The following CTRB2 variants were observed in gnomAD, a reference collection of about 807,000 sequenced individuals.
The protein encoded by CTRB2 is chymotrypsinogen B2.
CTRB2 carries 9 observed loss-of-function variants against 19.3 expected under a neutral mutation model. The observed-to-expected ratio is 0.47, with a 90% CI of 0.28 to 0.81. The LOEUF is 0.81. Ranked by LOEUF, CTRB2 falls within the 40% of genes least tolerant of loss-of-function variation. The pLI is 0.11. For missense variants in CTRB2, 210 were observed against 269.7 expected (o/e 0.78, Z 1.55); for synonymous variants, 98 against 117.3 (o/e 0.84, Z 1.06).
intron 1 of CTRB2, 74 bp from the exon 2 acceptor site, chr16:75,206,267 A>C: frequency 6.9e-7 from 1 of 1,449,190 alleles, no homozygotes; most frequent in Non-Finnish European, 9.3e-7. Context: ...TCTCACTCCC[A>C]ACTCTTTTCC....
Position 75,207,123 on chromosome 16 carries a change from G to C in CTRB2, c.19C>G (p.Leu7Val), listed in dbSNP as rs1388389815. 2 of 1,558,648 alleles carry C rather than the reference G, an allele frequency of 1.3e-6. No individual in the cohort carries two copies. Among genetic ancestry groups the C allele is most frequent in the East Asian group, 4.7e-5 (2 of 42,410 alleles). Residue 7 changes from leucine to valine, a missense_variant, in exon 1 of 7, where the codon CTC becomes GTC. Physicochemically the swap from Leu to Val is conservative, Grantham distance 32. Coordinates refer to ENST00000303037, the MANE Select transcript of CTRB2 (RefSeq NM_001025200.4). ...GTACCCAGGAGGGCCCAGCAGGAGA[G>C]GAGCCAGAGGAAAGCCATGGTGCCG... is the stretch of plus-strand genomic sequence containing the variant. MAFLWL[L>V]SCWALLGTTF...
At position 75,207,148 on chromosome 16, in the gene CTRB2, G is replaced by C; in HGVS notation, c.-7C>G. Reference sequence around the variant, plus strand: ...GGAGCCAGAGGAAAGCCATGGTGCCGCTGGCAGGGGTGTAGGACGCCTGTC... The same window carrying C: ...GGAGCCAGAGGAAAGCCATGGTGCCCCTGGCAGGGGTGTAGGACGCCTGTC... On this transcript the variant is annotated 5_prime_UTR_variant, in exon 1 of 7. Transcript: ENST00000303037. The C allele has an allele frequency of 6.4e-7, 1 of 1,556,368 alleles. No homozygotes were observed. The highest frequency in any genetic ancestry group is 1.7e-4 in the Middle Eastern group (1 of 5,994).
chr16:75,204,260 C>T lies in CTRB2; in HGVS notation c.693G>A (p.Val231=), dbSNP rs1278608711. Residue 231 remains valine (V), a synonymous_variant, in exon 7 of 7, where the codon GTG becomes GTA. Transcript: ENST00000303037. ...TAGAGCAGGTGCGGCTGCCCCAGGA[C>T]ACAATGCCCACCAGGGTCCAGGCTC... ...KDGAWTLVGI[V]SWGSRTCSTT... 1 of 1,614,128 alleles carries T rather than the reference C, an allele frequency of 6.2e-7. No individual in the cohort carries two copies. The highest frequency in any genetic ancestry group is 8.5e-7 in the Non-Finnish European group (1 of 1,180,012).
Position 75,204,303 on chromosome 16 carries a change from AG to A in CTRB2, c.649del (p.Leu217TrpfsTer?), listed in dbSNP as rs1567561369. 2 of 1,614,038 alleles carry A rather than the reference AG, an allele frequency of 1.2e-6. No individual in the cohort carries two copies. The highest frequency in any genetic ancestry group is 1.7e-6 in the Non-Finnish European group (2 of 1,179,980). ...CCAGGCTCCGTCCTTCTGGCAGACC[AG>A]GGGGCCTCCAGAGTCACCCTGCAGG... ...SSCMGDSGGP[L>X]VCQKDGAWTL... On this transcript the variant is annotated frameshift_variant, in exon 7 of 7. Coordinates refer to ENST00000303037, the MANE Select transcript of CTRB2 (RefSeq NM_001025200.4). LOFTEE classifies it low-confidence loss of function (END_TRUNC).
At chr16:75,207,059 C>A (rs1173776768) in intron 1 of CTRB2, 31 bp downstream of exon 1, 2 of 1,549,056 alleles carry the variant, frequency 1.3e-6, no homozygotes, top group South Asian at 1.2e-5. Context: ...GAGGAGAAAA[C>A]CCTTCGGCCT....
At chr16:75,204,466 C>T (rs2038871009) in intron 6 of CTRB2, 144 bp from the exon 7 acceptor site, 1 of 941,264 alleles carries the variant, frequency 1.1e-6, no homozygotes. Context: ...GATCTGGGTT[C>T]ACATGGCAGC....
intron 6 of CTRB2, 126 bp downstream of exon 6, chr16:75,204,647 A>C: frequency 6.6e-7 from 1 of 1,525,594 alleles, no homozygotes; most frequent in South Asian, 1.2e-5. Flanking sequence ...TGTGACCCCA[A>C]GGCCTGGCCC....
intron 6 of CTRB2, 157 bp downstream of exon 6, chr16:75,204,616 G>A (rs2038872684): frequency 3.5e-6 from 5 of 1,420,352 alleles, no homozygotes; most frequent in Non-Finnish European, 4.8e-6. Flanking sequence ...TGCATGGCCT[G>A]GAGGAACCCT....
At position 75,207,107 on chromosome 16, in the gene CTRB2, A is replaced by T. The variant is rs1263135617; in HGVS notation, c.35T>A (p.Leu12His). Residue 12 changes from leucine (L) to histidine (H), a missense_variant, in exon 1 of 7, where the codon CTC becomes CAC. Coordinates refer to ENST00000303037, the MANE Select transcript of CTRB2 (RefSeq NM_001025200.4). ...AFLWLLSCWA[L>H]LGTTFGCGVP... ...GCACTCACCGAAGGTGGTACCCAGG[A>T]GGGCCCAGCAGGAGAGGAGCCAGAG... 1.3e-6 allele frequency: 2 copies of T among 1,557,640 alleles called. No homozygotes were observed. Among genetic ancestry groups the T allele is most frequent in the Non-Finnish European group, 1.7e-6 (2 of 1,149,832 alleles).
intron 6 of CTRB2, 79 bp from the exon 7 acceptor site, chr16:75,204,401 G>T (rs565520532): frequency 1.5e-6 from 2 of 1,373,976 alleles, no homozygotes; most frequent in Non-Finnish European, 2.0e-6. Context: ...TGGAGTCTAG[G>T]GAGGGGTGCG....
rs1275621348 is a variant in CTRB2 at position 75,207,082 on chromosome 16, G to A, written c.52+8C>T. The A allele has an allele frequency of 1.0e-5, 16 of 1,553,252 alleles. No individual in the cohort carries two copies. Among genetic ancestry groups the A allele is most frequent in the Non-Finnish European group, 1.2e-5 (14 of 1,147,664 alleles). The stretch of plus-strand genomic sequence containing the variant: ...AACCCTTCGGCCTCCGCAGGGCCTG[G>A]CACTCACCGAAGGTGGTACCCAGGA... On this transcript the variant is annotated splice_region_variant and intron_variant, in intron 1 of 6. Coordinates refer to ENST00000303037, the MANE Select transcript of CTRB2 (RefSeq NM_001025200.4).
intron 1 of CTRB2, 38 bp downstream of exon 1, chr16:75,207,052 G>A: frequency 1.3e-6 from 2 of 1,544,670 alleles, no homozygotes; most frequent in African/African-American, 2.7e-5. Flanking sequence ...GGAGTGAGAG[G>A]AGAAAACCCT....
At position 75,204,108 on chromosome 16, in the gene CTRB2, A is replaced by C; in HGVS notation, c.*53T>G. ...ACAGGCAGTGCAGTCAGGGCTTCTA[A>C]ACAGATGCATTTAATGGGAAATCTT... On this transcript the variant is annotated 3_prime_UTR_variant, in exon 7 of 7. Coordinates refer to ENST00000303037, the MANE Select transcript of CTRB2 (RefSeq NM_001025200.4). 6.2e-7 allele frequency: 1 copy of C among 1,611,330 alleles called. No homozygotes were observed. Among genetic ancestry groups the C allele is most frequent in the Non-Finnish European group, 8.5e-7 (1 of 1,177,636 alleles).
chr16:75,206,339 C>G (rs893925509), intron 1 of CTRB2, 146 bp from the exon 2 acceptor site: 1 of 810,720 alleles, frequency 1.2e-6, no homozygotes, highest in East Asian at 2.7e-5. Flanking sequence ...CCTGGCTCTC[C>G]TCTCCGCAGA....
chr16:75,204,177 A>T lies in CTRB2; in HGVS notation c.776T>A (p.Ile259Asn), dbSNP rs1295816280. 2.5e-6 allele frequency: 4 copies of T among 1,613,968 alleles called. No individual in the cohort carries two copies. The highest frequency in any genetic ancestry group is 3.3e-5 in the Admixed American group (2 of 59,982). The change falls in exon 7 of 7, where the codon ATC (isoleucine) becomes AAC (asparagine). Residue 259 changes from isoleucine (I) to asparagine (N), a missense_variant. Coordinates refer to ENST00000303037, the MANE Select transcript of CTRB2 (RefSeq NM_001025200.4). Reference sequence around the variant, plus strand: ...GCTGCGGGCTCAGTTGGCGGCCAGGATCTTCTGCACCCAGGGTATGAGCTT... The same window carrying T: ...GCTGCGGGCTCAGTTGGCGGCCAGGTTCTTCTGCACCCAGGGTATGAGCTT... ...VAKLIPWVQK[I>N]LAAN
At position 75,204,707 on chromosome 16, in the gene CTRB2, G is replaced by C. The variant is rs368248653; in HGVS notation, c.630+66C>G. On this transcript the variant is annotated intron_variant, in intron 6 of 6. Transcript: ENST00000303037. Reference sequence around the variant, plus strand: ...GGTTAGTAGATGAGAGCAGAGAGGGGTGGAAAGCCCAGACCTCCCCTGCAC... The same window carrying C: ...GGTTAGTAGATGAGAGCAGAGAGGGCTGGAAAGCCCAGACCTCCCCTGCAC... 20 of 1,540,824 alleles carry C rather than the reference G, an allele frequency of 1.3e-5. No homozygotes were observed. In the African/African-American group the frequency reaches 2.7e-4, roughly 21 times the overall value.
rs1205330299 is a variant in CTRB2, at chr16:75,204,269, C to T, written c.684G>A (p.Val228=). 4 of 1,614,066 alleles carry T rather than the reference C, an allele frequency of 2.5e-6. No individual in the cohort carries two copies. In the South Asian group the frequency reaches 3.3e-5, roughly 13 times the overall value. Reference sequence around the variant, plus strand: ...TGCGGCTGCCCCAGGACACAATGCCCACCAGGGTCCAGGCTCCGTCCTTCT... The same window carrying T: ...TGCGGCTGCCCCAGGACACAATGCCTACCAGGGTCCAGGCTCCGTCCTTCT... ...VCQKDGAWTL[V]GIVSWGSRTC... Residue 228 remains valine (V), a synonymous_variant, in exon 7 of 7, where the codon GTG becomes GTA. Transcript: ENST00000303037.
chr16:75,204,217 A>G lies in CTRB2; in HGVS notation c.736T>C (p.Tyr246His), dbSNP rs2038866486. The change falls in exon 7 of 7, where the codon TAC (tyrosine) becomes CAC (histidine). Residue 246 changes from tyrosine to histidine, a missense_variant. Tyr to His is a moderately conservative substitution (Grantham distance 83). This residue lies in a region of CTRB2 where 120 missense variants were observed against 90.8 expected (regional missense o/e 1.32). Coordinates refer to ENST00000303037, the MANE Select transcript of CTRB2 (RefSeq NM_001025200.4). ...GGTATGAGCTTGGCGACACGGGCGT[A>G]CACAGCGGGCGTGGTGGTAGAGCAG... ...RTCSTTTPAV[Y>H]ARVAKLIPWV... The G allele has an allele frequency of 6.2e-7, 1 of 1,614,100 alleles. No homozygotes were observed. The highest frequency in any genetic ancestry group is 1.7e-5 in the Admixed American group (1 of 60,018).
intron 6 of CTRB2, 108 bp from the exon 7 acceptor site, chr16:75,204,430 G>A: frequency 1.8e-6 from 2 of 1,127,996 alleles, no homozygotes; most frequent in Non-Finnish European, 2.5e-6. Context: ...GTAAGCATGG[G>A]CATAGGGGCT....
Sources: gnomAD v4.1 joint callset for allele counts on GRCh38, gnomAD v4.1.1 for gene constraint, gnomAD v4.1.1 regional missense constraint, MANE v1.5 for transcripts, NCBI Gene and HGNC (gene_info 2026-07-23, HGNC 2026-07-21) for gene names.